The following HPCAL1 variants were observed in gnomAD, a reference collection of about 807,000 sequenced individuals.
HPCAL1 encodes hippocalcin like 1.
Under a neutral mutation model 17.1 loss-of-function variants are expected in HPCAL1, and 8 were observed. The ratio of observed to expected loss-of-function variants is 0.47; its 90% CI spans 0.27 to 0.84. HPCAL1 has a LOEUF of 0.84. Among genes scored for constraint, HPCAL1 ranks in the 40% least tolerant of loss-of-function variants. The pLI is 0.13. For synonymous variants in HPCAL1, 112 were observed against 111.4 expected (o/e 1.01, Z -0.03); for missense variants, 165 against 271.1 (o/e 0.61, Z 2.75).
chr2:10,328,000 AT>A (rs1558460380), intron 1 of HPCAL1, among the ~76,000 whole-genome samples: 1 of 152,232 alleles, frequency 6.6e-6, no homozygotes, highest in African/African-American at 2.4e-5. Flanking sequence ...AGTTGAGGTC[AT>A]TTCTGTCCAC....
intron 2 of HPCAL1, among the ~76,000 whole-genome samples, chr2:10,404,239 C>T (rs1168177011): frequency 6.6e-6 from 1 of 152,108 alleles, no homozygotes; most frequent in African/African-American, 2.4e-5. Flanking sequence ...GGAAGGAGCT[C>T]CCACCTTAGC....
intron 1 of HPCAL1, among the ~76,000 whole-genome samples, chr2:10,381,059 TG>T (rs1667910206): frequency 6.6e-6 from 1 of 152,218 alleles, no homozygotes; most frequent in African/African-American, 2.4e-5. Flanking sequence ...TCTGGATCAG[TG>T]CTTGTGCAGG....
intron 3 of HPCAL1, among the ~76,000 whole-genome samples, chr2:10,421,490 C>T (rs1671061318): frequency 6.6e-6 from 1 of 152,040 alleles, no homozygotes; most frequent in Non-Finnish European, 1.5e-5. Flanking sequence ...CGCGTGAGCC[C>T]GGGAGTTTGA....
chr2:10,415,493 G>A (rs1401957764), intron 2 of HPCAL1, among the ~76,000 whole-genome samples: 4 of 152,118 alleles, frequency 2.6e-5, no homozygotes, highest in African/African-American at 4.8e-5. Flanking sequence ...TCCATGCCCC[G>A]CCTATGAGCC....
intron 2 of HPCAL1, among the ~76,000 whole-genome samples, chr2:10,404,637 C>T (rs1285604508): frequency 6.6e-6 from 1 of 152,224 alleles, no homozygotes; most frequent in African/African-American, 2.4e-5. Context: ...AGATCCCGGG[C>T]TCCTTTGCTG....
At chr2:10,388,879 G>A (rs1668503369) in intron 1 of HPCAL1, among the ~76,000 whole-genome samples, 1 of 152,202 alleles carries the variant, frequency 6.6e-6, no homozygotes, top group Non-Finnish European at 1.5e-5. Flanking sequence ...CTCACTCCGA[G>A]TAGGATGTTA....
rs749085470 is a variant in HPCAL1, at chr2:10,359,340, G to A, written c.-110-37495G>A. On this transcript the variant is annotated intron_variant, in intron 1 of 4. Transcript: ENST00000307845. The surrounding 1 kb of genome is among the most constrained non-coding windows in gnomAD (Gnocchi z 4.1). ...GCGGCTGGCATGGGTTAGTGGCTCC[G>A]TGTCACCTGGTTCCTCTCACCTCTG... 5.3e-5 allele frequency among the ~76,000 whole-genome samples: 8 copies of A among 152,128 alleles called. No homozygotes were observed. The highest frequency in any genetic ancestry group is 1.0e-4 in the Non-Finnish European group (7 of 68,018).
intron 2 of HPCAL1, among the ~76,000 whole-genome samples, chr2:10,408,955 G>A (rs1365420188): frequency 1.3e-5 from 2 of 152,128 alleles, no homozygotes; most frequent in African/African-American, 4.8e-5. Flanking sequence ...TTTTTCTATA[G>A]CCGCATTGAA....
intron 1 of HPCAL1, among the ~76,000 whole-genome samples, chr2:10,324,947 C>T (rs868359716): frequency 3.9e-4 from 59 of 150,070 alleles, no homozygotes; most frequent in African/African-American, 1.4e-3. Context: ...CTCAGCCTCC[C>T]GAGTAGCTGG....
intron 1 of HPCAL1, among the ~76,000 whole-genome samples, chr2:10,313,065 G>T (rs1663091095): frequency 6.6e-6 from 1 of 152,222 alleles, no homozygotes; most frequent in South Asian, 2.1e-4. Context: ...GTCAGGACAG[G>T]ATGAGTATAG....
intron 2 of HPCAL1, among the ~76,000 whole-genome samples, chr2:10,399,407 C>T (rs1669368566): frequency 7.9e-6 from 1 of 125,994 alleles, no homozygotes; most frequent in Non-Finnish European, 1.7e-5. Flanking sequence ...TCACCACCAC[C>T]ACCACCACCA....
rs1351742914 is a variant in HPCAL1, at chr2:10,359,884, C to T, written c.-110-36951C>T. Reference sequence around the variant, plus strand: ...TCCACACTCTGAACCTGCCTCCTGCCTCCTTCCACAGTGCCCGCCGGGTCC... The same window carrying T: ...TCCACACTCTGAACCTGCCTCCTGCTTCCTTCCACAGTGCCCGCCGGGTCC... On this transcript the variant is annotated intron_variant, in intron 1 of 4. Coordinates refer to ENST00000307845, the MANE Select transcript of HPCAL1 (RefSeq NM_002149.4). The surrounding 1 kb of genome is among the most constrained non-coding windows in gnomAD (Gnocchi z 4.1). Among the ~76,000 whole-genome samples the T allele has an allele frequency of 6.6e-6, 1 of 152,156 alleles. No individual in the cohort carries two copies. Among genetic ancestry groups the T allele is most frequent in the East Asian group, 1.9e-4 (1 of 5,194 alleles).
In HPCAL1 at chr2:10,419,493, T is replaced by C. The variant is rs945329451; in HGVS notation, c.-24-241T>C. Among the ~76,000 whole-genome samples, 3 of 151,978 alleles carry C rather than the reference T, an allele frequency of 2.0e-5. No individual in the cohort carries two copies. Among genetic ancestry groups the C allele is most frequent in the African/African-American group, 7.3e-5 (3 of 41,358 alleles). On this transcript the variant is annotated intron_variant, in intron 2 of 4. Coordinates refer to ENST00000307845, the MANE Select transcript of HPCAL1 (RefSeq NM_002149.4). This position sits in a 1 kb window ranked among gnomAD's most constrained non-coding sequence, Gnocchi z 5.0. Reference sequence around the variant, plus strand: ...TTAAGTTGCATTTTCCCCCCCGCATTTCCACATTCTCCAAGTGAGAACGTG... The same window carrying C: ...TTAAGTTGCATTTTCCCCCCCGCATCTCCACATTCTCCAAGTGAGAACGTG...
At position 10,357,969 on chromosome 2, in the gene HPCAL1, C is replaced by T. The variant is rs143441117; in HGVS notation, c.-110-38866C>T. 3.9e-4 allele frequency among the ~76,000 whole-genome samples: 60 copies of T among 152,346 alleles called. No individual in the cohort carries two copies. The East Asian group carries it at 0.012, about 29-fold the overall frequency. The stretch of plus-strand genomic sequence containing the variant: ...AGGAAAACAAGCTGTGACCTTGAGC[C>T]GGCACCAGCCCCAGGGCTGAAACCC... On this transcript the variant is annotated intron_variant, in intron 1 of 4. Transcript: ENST00000307845.
intron 1 of HPCAL1, among the ~76,000 whole-genome samples, chr2:10,318,836 A>G (rs1048509940): frequency 7.9e-5 from 12 of 152,122 alleles, no homozygotes; most frequent in African/African-American, 2.7e-4. Context: ...GTGCCTCCCT[A>G]TGGACTCTGT....
intron 1 of HPCAL1, chr2:10,368,833 T>C (rs144805928): frequency 8.2e-4 from 125 of 152,334 alleles, no homozygotes; most frequent in African/African-American, 2.9e-3. Flanking sequence ...ATTTCAGGAA[T>C]TGAATTACCG....
intron 1 of HPCAL1, among the ~76,000 whole-genome samples, chr2:10,305,473 G>A (rs1049506047): frequency 1.3e-5 from 2 of 152,190 alleles, no homozygotes; most frequent in Admixed American, 1.3e-4. Flanking sequence ...CCCTTGCGGT[G>A]GGATGTGGTG....
chr2:10,379,453 TGG>T (rs1295070987), intron 1 of HPCAL1, among the ~76,000 whole-genome samples: 1 of 151,858 alleles, frequency 6.6e-6, no homozygotes, highest in Non-Finnish European at 1.5e-5. Context: ...TGGGCTGGGC[TGG>T]GCTATGAGCA....
At chr2:10,321,694 C>T (rs1417222439) in intron 1 of HPCAL1, among the ~76,000 whole-genome samples, 2 of 152,174 alleles carry the variant, frequency 1.3e-5, no homozygotes, top group Non-Finnish European at 2.9e-5. Flanking sequence ...CACTTCTGGA[C>T]ATTTTATATC....
Sources: gnomAD v4.1 joint callset for allele counts (sites outside exome capture counted in the v4.1 genomes callset) on GRCh38, gnomAD v4.1.1 for gene constraint, Gnocchi (gnomAD v3.1) non-coding constraint, MANE v1.5 for transcripts, NCBI Gene and HGNC (gene_info 2026-07-23, HGNC 2026-07-21) for gene names.